CNBD1: variants seen among roughly 807,000 people sequenced by gnomAD.
CNBD1 encodes cyclic nucleotide-binding domain-containing protein 1.
CNBD1 carries 71 observed loss-of-function variants against 54.4 expected under a neutral mutation model. The ratio of observed to expected loss-of-function variants is 1.30; its 90% CI spans 1.08 to 1.59. The LOEUF (loss-of-function observed/expected upper bound fraction) is 1.59. Among genes scored for constraint, CNBD1 ranks in the 40% most tolerant of loss-of-function variants. CNBD1 has a pLI of 0.00. For synonymous variants in CNBD1, 182 were observed against 170.7 expected, an observed-to-expected ratio of 1.07 and a Z score of -0.51; for missense variants, 659 against 518.0, an observed-to-expected ratio of 1.27 and a Z score of -2.64.
intron 4 of CNBD1, among the ~76,000 whole-genome samples, chr8:87,102,774 C>A (rs754093011): frequency 1.3e-5 from 2 of 152,012 alleles, no homozygotes; most frequent in Non-Finnish European, 2.9e-5. Flanking sequence ...CCAAAACGCC[C>A]GGCTAATTTT....
At position 87,002,180 on chromosome 8, in the gene CNBD1, G is replaced by T. The variant is rs575225641; in HGVS notation, c.431+62426G>T. ...CCCAGCTGGGAAGACCTTCAAAACA[G>T]TGTGTCCAGAATCTAATCCAATCAC... is the stretch of plus-strand genomic sequence containing the variant. On this transcript the variant is annotated intron_variant, in intron 4 of 10. Transcript: ENST00000518476. 2.5e-4 allele frequency among the ~76,000 whole-genome samples: 38 copies of T among 152,242 alleles called. 1 individual carries two copies. Among genetic ancestry groups the T allele is most frequent in the South Asian group, 1.9e-3 (9 of 4,832 alleles).
intron 4 of CNBD1, among the ~76,000 whole-genome samples, chr8:87,112,647 A>G (rs1486511364): frequency 6.6e-6 from 1 of 152,186 alleles, no homozygotes; most frequent in African/African-American, 2.4e-5. Context: ...AACACCAATG[A>G]TAACACATAC....
Position 87,404,913 on chromosome 8 carries a change from C to A in CNBD1, c.214-23633C>A, listed in dbSNP as rs189876774. On this transcript the variant is annotated intron_variant, in intron 2 of 7. Coordinates refer to the CNBD1 transcript ENST00000521593. ...CATCTTTGCTTCTGTATATATATTT[C>A]TCTGTATGTACGTATCTAGGCCTCC... is the stretch of plus-strand genomic sequence containing the variant. Among the ~76,000 whole-genome samples the A allele has an allele frequency of 2.2e-4, 33 of 152,066 alleles. 2 individuals carry two copies. The highest frequency in any genetic ancestry group is 3.4e-3 in the Middle Eastern group (1 of 294).
At chr8:86,922,525 A>C (rs1809291612) in intron 3 of CNBD1, among the ~76,000 whole-genome samples, 1 of 152,166 alleles carries the variant, frequency 6.6e-6, no homozygotes, top group Non-Finnish European at 1.5e-5. Context: ...CTACCATGAC[A>C]TAAAAAGGAA....
chr8:87,061,365 CATA>C lies in CNBD1; in HGVS notation c.431+121618_431+121620del, dbSNP rs370434867. Among the ~76,000 whole-genome samples, 540 of 152,266 alleles carry C rather than the reference CATA, an allele frequency of 3.5e-3. 4 individuals carry two copies. The highest frequency in any genetic ancestry group is 4.1e-3 in the Non-Finnish European group (279 of 68,016). On this transcript the variant is annotated intron_variant, in intron 4 of 10. Coordinates refer to ENST00000518476, the MANE Select transcript of CNBD1 (RefSeq NM_173538.3). ...CCTGAAGTGCATTAACAGCAGATTC[CATA>C]ATAATACAGCAAATGGTCATATTTT...
intron 1 of CNBD1, among the ~76,000 whole-genome samples, chr8:86,874,585 T>C (rs1315671336): frequency 6.6e-6 from 1 of 152,172 alleles, no homozygotes; most frequent in Non-Finnish European, 1.5e-5. Context: ...TCTCATGAAA[T>C]ATTAAATTAA....
chr8:87,244,765 G>T (rs1007669748), intron 6 of CNBD1, among the ~76,000 whole-genome samples: 5 of 152,038 alleles, frequency 3.3e-5, no homozygotes, highest in Admixed American at 1.3e-4. Context: ...AGCTTTTAAG[G>T]TGTTCAATAA....
At chr8:87,309,476 T>G (rs1563546716) in intron 8 of CNBD1, among the ~76,000 whole-genome samples, 1 of 152,178 alleles carries the variant, frequency 6.6e-6, no homozygotes, top group Non-Finnish European at 1.5e-5. Context: ...GCTATTGCTT[T>G]GTGTATTTCT....
In CNBD1 at chr8:86,980,842, T is replaced by G. The variant is rs1433174391; in HGVS notation, c.431+41088T>G. 2.6e-5 allele frequency among the ~76,000 whole-genome samples: 4 copies of G among 152,336 alleles called. No individual in the cohort carries two copies. The East Asian group carries it at 7.7e-4, about 29-fold the overall frequency. ...AAACCCGAGTTTGCTAATATTTACT[T>G]GGGACTTAGATCTGGAGCACAAACT... is the stretch of plus-strand genomic sequence containing the variant. On this transcript the variant is annotated intron_variant, in intron 4 of 10. Coordinates refer to ENST00000518476, the MANE Select transcript of CNBD1 (RefSeq NM_173538.3).
Position 87,266,323 on chromosome 8 carries a change from T to C in CNBD1, c.772-18355T>C, listed in dbSNP as rs141016884. Among the ~76,000 whole-genome samples, 30 of 132,376 alleles carry C rather than the reference T, an allele frequency of 2.3e-4. No individual in the cohort carries two copies. The East Asian group carries it at 6.7e-3, about 29-fold the overall frequency. 86.8% of individuals were successfully genotyped at this position (132,376 alleles called of 152,430 possible). On this transcript the variant is annotated intron_variant, in intron 6 of 10. Coordinates refer to ENST00000518476, the MANE Select transcript of CNBD1 (RefSeq NM_173538.3). The stretch of plus-strand genomic sequence containing the variant: ...AAAGAGGAGCTTTTCCTATTAGGTA[T>C]AAAAACACAAAATAAAGCTATAATA...
At chr8:87,164,698 T>C (rs1373350058) in intron 4 of CNBD1, among the ~76,000 whole-genome samples, 1 of 151,634 alleles carries the variant, frequency 6.6e-6, no homozygotes. Flanking sequence ...CATCTAAAGT[T>C]TCATAAATTT....
At chr8:87,384,813 G>T (rs1164230860), downstream of CNBD1, among the ~76,000 whole-genome samples, 1 of 152,124 alleles carries the variant, frequency 6.6e-6, no homozygotes, top group Non-Finnish European at 1.5e-5. Flanking sequence ...AAAAAAGAGA[G>T]TATAATGTTA....
intron 3 of CNBD1, among the ~76,000 whole-genome samples, chr8:86,909,047 CG>C (rs1809062185): frequency 6.6e-6 from 1 of 152,050 alleles, no homozygotes; most frequent in Admixed American, 6.5e-5. Context: ...TGAGCCACTG[CG>C]CGGGGCCAAG....
intron 4 of CNBD1, among the ~76,000 whole-genome samples, chr8:87,138,502 A>G (rs1238510579): frequency 6.6e-6 from 1 of 152,202 alleles, no homozygotes; most frequent in Admixed American, 6.5e-5. Context: ...TCCCTGTGTT[A>G]CAGATAAACT....
chr8:87,313,520 G>A (rs1586004450), intron 8 of CNBD1, among the ~76,000 whole-genome samples: 2 of 152,108 alleles, frequency 1.3e-5, no homozygotes, highest in East Asian at 3.9e-4. Flanking sequence ...TTCTTCAATA[G>A]TGAAGGAACT....
chr8:87,196,340 G>A (rs1172805736), intron 4 of CNBD1, among the ~76,000 whole-genome samples: 1 of 152,176 alleles, frequency 6.6e-6, no homozygotes. Flanking sequence ...CAACTGAGCA[G>A]ATTAGAGATT....
intron 4 of CNBD1, among the ~76,000 whole-genome samples, chr8:87,145,270 A>G (rs1338705622): frequency 1.3e-5 from 2 of 152,190 alleles, no homozygotes; most frequent in African/African-American, 4.8e-5. Flanking sequence ...AATGAAAACT[A>G]AAGAACAATA....
At chr8:86,893,284 T>C (rs1808800392) in intron 2 of CNBD1, among the ~76,000 whole-genome samples, 1 of 152,234 alleles carries the variant, frequency 6.6e-6, no homozygotes, top group South Asian at 2.1e-4. Context: ...GGCGGGATTT[T>C]CTACCTAGGG....
intron 4 of CNBD1, among the ~76,000 whole-genome samples, chr8:87,121,431 G>A (rs906728856): frequency 6.6e-6 from 1 of 151,782 alleles, no homozygotes; most frequent in African/African-American, 2.4e-5. Flanking sequence ...GAGGTACAAT[G>A]TGATGTTTTG....
Sources: allele counts gnomAD v4.1 joint callset (sites outside exome capture counted in the v4.1 genomes callset), GRCh38; gene constraint gnomAD v4.1.1; transcripts MANE v1.5; gene names NCBI Gene and HGNC (gene_info 2026-07-23, HGNC 2026-07-21).